Variants in PTPN4 observed in about 807,000 individuals in gnomAD.
PTPN4 encodes the protein tyrosine-protein phosphatase non-receptor type 4.
PTPN4 carries 49 observed loss-of-function variants against 135.5 expected under a neutral mutation model. That is an observed-to-expected ratio of 0.36 (90% CI 0.29 to 0.46). The LOEUF is 0.46. Ranked by LOEUF, PTPN4 falls within the 20% of genes least tolerant of loss-of-function variation. The pLI is 1.00. For missense variants in PTPN4, 860 were observed against 1,101.0 expected (o/e 0.78, Z 3.10); for synonymous variants, 333 against 369.9 (o/e 0.90, Z 1.14).
At chr2:119,764,631 T>G (rs553197707) in intron 1 of PTPN4, among the ~76,000 whole-genome samples, 4 of 152,200 alleles carry the variant, frequency 2.6e-5, no homozygotes, top group African/African-American at 9.6e-5. Flanking sequence ...GTTTAATATC[T>G]TCTTAAGCTT....
chr2:119,980,177 G>A lies in PTPN4; in HGVS notation c.*3107G>A, dbSNP rs1219849260. ...ATTTATTACATGAAATCTGACTTCA[G>A]TTGTGCAAAGGTATGTTAAGACATT... On this transcript the variant is annotated 3_prime_UTR_variant, in exon 27 of 27. Coordinates refer to ENST00000263708, the MANE Select transcript of PTPN4 (RefSeq NM_002830.4). The A allele has an allele frequency of 2.0e-5, 3 of 152,104 alleles. No individual in the cohort carries two copies. The highest frequency in any genetic ancestry group is 4.1e-4 in the South Asian group (2 of 4,826). The allele number at this position is 152,104 out of a possible 1,614,324, so 9.4% of individuals were successfully genotyped here.
chr2:119,900,697 TTTTA>T lies in PTPN4; in HGVS notation c.676-18_676-15del. 1.4e-6 allele frequency: 2 copies of T among 1,425,784 alleles called. No individual in the cohort carries two copies. Among genetic ancestry groups the T allele is most frequent in the African/African-American group, 1.4e-5 (1 of 69,350 alleles). 88.3% of individuals were successfully genotyped at this position (1,425,784 alleles called of 1,614,324 possible). A position where few individuals can be genotyped will look rare whatever the true frequency, so the allele number is the denominator to read the frequency against. On this transcript the variant is annotated splice_polypyrimidine_tract_variant and intron_variant, in intron 9 of 26. Coordinates refer to ENST00000263708, the MANE Select transcript of PTPN4 (RefSeq NM_002830.4). Reference sequence around the variant, plus strand: ...GCCCATAAATTTAGATTTATCATGTTTTTATTCATTTTTTTTGAAGGATCAGAGT... The same window carrying T: ...GCCCATAAATTTAGATTTATCATGTTTTCATTTTTTTTGAAGGATCAGAGT...
chr2:119,807,669 C>T (rs1045639360), intron 1 of PTPN4, among the ~76,000 whole-genome samples: 5 of 152,230 alleles, frequency 3.3e-5, no homozygotes, highest in Admixed American at 3.3e-4. Context: ...CGTACCATTC[C>T]TTCTGAAACT....
chr2:119,968,084 A>G (rs1679471240), intron 26 of PTPN4, 112 bp downstream of exon 26: 10 of 930,012 alleles, frequency 1.1e-5, no homozygotes, highest in East Asian at 2.8e-5. Flanking sequence ...ATTCCTTGCC[A>G]TGGTCAAATA....
At chr2:119,855,213 G>A (rs2104982736) in intron 2 of PTPN4, among the ~76,000 whole-genome samples, 1 of 152,026 alleles carries the variant, frequency 6.6e-6, no homozygotes, top group African/African-American at 2.4e-5. Context: ...TCCATACAAG[G>A]GCATAGAAAT....
chr2:119,882,982 G>C (rs764750303), intron 8 of PTPN4, among the ~76,000 whole-genome samples: 2 of 152,088 alleles, frequency 1.3e-5, no homozygotes, highest in Non-Finnish European at 1.5e-5. Context: ...CTCCTTGGTA[G>C]TGAGCCAAGA....
intron 26 of PTPN4, among the ~76,000 whole-genome samples, chr2:119,974,440 C>A (rs955468428): frequency 6.6e-6 from 1 of 152,034 alleles, no homozygotes; most frequent in African/African-American, 2.4e-5. Flanking sequence ...AACTTCTGAC[C>A]TCAGGTGATC....
intron 5 of PTPN4, among the ~76,000 whole-genome samples, chr2:119,881,242 C>G (rs750527929): frequency 9.9e-5 from 15 of 152,208 alleles, no homozygotes; most frequent in Non-Finnish European, 2.1e-4. Flanking sequence ...TATTCTTCCC[C>G]TGCCCCGCCA....
chr2:119,874,574 A>G (rs1677958855), intron 3 of PTPN4, among the ~76,000 whole-genome samples: 1 of 152,190 alleles, frequency 6.6e-6, no homozygotes, highest in South Asian at 2.1e-4. Context: ...GTAAATTTGT[A>G]GAGACAGAAT....
chr2:119,887,492 A>G (rs796671082), intron 9 of PTPN4, among the ~76,000 whole-genome samples: 3 of 152,262 alleles, frequency 2.0e-5, no homozygotes, highest in South Asian at 4.1e-4. Context: ...CCTTTCTTCT[A>G]GTATTTTTAT....
intron 2 of PTPN4, among the ~76,000 whole-genome samples, chr2:119,821,702 A>G (rs1677070662): frequency 6.6e-6 from 1 of 152,186 alleles, no homozygotes; most frequent in Non-Finnish European, 1.5e-5. Flanking sequence ...CTTACTTTGA[A>G]TCACTGTGAG....
chr2:119,906,431 C>A (rs748604338), intron 10 of PTPN4, among the ~76,000 whole-genome samples: 4 of 151,554 alleles, frequency 2.6e-5, no homozygotes, highest in Non-Finnish European at 4.4e-5. Context: ...TTCAATAATA[C>A]GTGAAAAAGA....
intron 18 of PTPN4, among the ~76,000 whole-genome samples, chr2:119,947,514 A>G (rs1679152992): frequency 6.6e-6 from 1 of 152,154 alleles, no homozygotes; most frequent in South Asian, 2.1e-4. Flanking sequence ...TACATCAGAT[A>G]GCTATTGAGG....
At chr2:119,805,231 A>G (rs1363929387) in intron 1 of PTPN4, among the ~76,000 whole-genome samples, 27 of 152,208 alleles carry the variant, frequency 1.8e-4, no homozygotes, top group Non-Finnish European at 1.3e-4. Context: ...CCTGTTTTGT[A>G]TGTTGCCTGT....
chr2:119,935,669 AG>A (rs1011236986), intron 15 of PTPN4, among the ~76,000 whole-genome samples: 2 of 152,224 alleles, frequency 1.3e-5, no homozygotes, highest in African/African-American at 2.4e-5. Context: ...GTGGGGAATT[AG>A]TTGGCAAGAA....
chr2:119,949,644 T>C (rs566586368), intron 18 of PTPN4, among the ~76,000 whole-genome samples: 2 of 152,244 alleles, frequency 1.3e-5, no homozygotes, highest in South Asian at 4.2e-4. Flanking sequence ...AGTTGAAGAC[T>C]ACCCTGGGCA....
intron 3 of PTPN4, among the ~76,000 whole-genome samples, chr2:119,876,927 G>GTGTGTGTC (rs1677991855): frequency 6.6e-6 from 1 of 151,226 alleles, no homozygotes; most frequent in African/African-American, 2.4e-5. Flanking sequence ...GTGTGTGTGT[G>GTGTGTGTC]TGTGTGTGTG....
Position 119,791,616 on chromosome 2 carries a change from A to G in PTPN4, c.-17-18221A>G, listed in dbSNP as rs141577957. 2.9e-4 allele frequency among the ~76,000 whole-genome samples: 44 copies of G among 152,208 alleles called. No homozygotes were observed. In the East Asian group the frequency reaches 7.9e-3, roughly 27 times the overall value. On this transcript the variant is annotated intron_variant, in intron 1 of 26. Coordinates refer to ENST00000263708, the MANE Select transcript of PTPN4 (RefSeq NM_002830.4). ...AATACTTTGAATGTATCATCCTACT[A>G]CCTTCTAACCTTCATGTTTCTGGAC...
chr2:119,912,075 C>G (rs1678579052), intron 10 of PTPN4, among the ~76,000 whole-genome samples: 1 of 152,090 alleles, frequency 6.6e-6, no homozygotes, highest in South Asian at 2.1e-4. Flanking sequence ...TGTGGTATAT[C>G]CATAGAATGG....
Sources: gnomAD v4.1 joint callset for allele counts (sites outside exome capture counted in the v4.1 genomes callset) on GRCh38, gnomAD v4.1.1 for gene constraint, MANE v1.5 for transcripts, NCBI Gene and HGNC (gene_info 2026-07-23, HGNC 2026-07-21) for gene names.